SPOCK3: variants seen among roughly 807,000 people sequenced by gnomAD.
SPOCK3 encodes the protein SPARC (osteonectin), cwcv and kazal like domains proteoglycan 3.
In SPOCK3, 30 loss-of-function variants were observed where a neutral mutation model predicts 56.6. The ratio of observed to expected loss-of-function variants is 0.53; its 90% CI spans 0.40 to 0.72. The LOEUF (loss-of-function observed/expected upper bound fraction) is 0.72, where lower values mean the gene tolerates loss of function less well. Ranked by LOEUF, SPOCK3 falls within the 30% of genes least tolerant of loss-of-function variation. The pLI, the probability that SPOCK3 is intolerant of heterozygous loss-of-function variation, is 0.00. For synonymous variants in SPOCK3, 196 were observed against 183.3 expected (o/e 1.07, Z -0.56); for missense variants, 527 against 530.0 (o/e 0.99, Z 0.06).
Position 166,854,990 on chromosome 4 carries a change from A to G in SPOCK3, c.589+34140T>C, listed in dbSNP as rs201696363. 2.0e-5 allele frequency among the ~76,000 whole-genome samples: 3 copies of G among 152,262 alleles called. No individual in the cohort carries two copies. In the East Asian group the frequency reaches 5.8e-4, roughly 29 times the overall value. On this transcript the variant is annotated intron_variant, in intron 6 of 10. Coordinates refer to ENST00000357545, the MANE Select transcript of SPOCK3 (RefSeq NM_001040159.2). Reference sequence around the variant, plus strand: ...AAAGTCTCTAACTGTATCCCGCCCCACTGCCTGTCTCAAAGAAGTTGATGT... The same window carrying G: ...AAAGTCTCTAACTGTATCCCGCCCCGCTGCCTGTCTCAAAGAAGTTGATGT...
At chr4:166,955,743 C>T (rs1331255053) in intron 4 of SPOCK3, among the ~76,000 whole-genome samples, 1 of 150,396 alleles carries the variant, frequency 6.6e-6, no homozygotes, top group Non-Finnish European at 1.5e-5. Context: ...TTCTTTCTTG[C>T]TCTAATCCAA....
At chr4:166,941,278 T>A (rs1741035715) in intron 4 of SPOCK3, among the ~76,000 whole-genome samples, 1 of 152,084 alleles carries the variant, frequency 6.6e-6, no homozygotes, top group Admixed American at 6.5e-5. Flanking sequence ...CAGAAAAAAA[T>A]GGATCCTTTT....
intron 3 of SPOCK3, among the ~76,000 whole-genome samples, chr4:167,046,450 C>CTTTTTTTTTTTTTTTT (rs67108499): frequency 3.7e-5 from 2 of 53,704 alleles, no homozygotes; most frequent in Non-Finnish European, 6.7e-5. Context: ...TTCTGATATT[C>CTTTTTTTTTTTTTTTT]TTTTTTTTTT....
chr4:167,063,072 A>G (rs1580173778), intron 2 of SPOCK3, among the ~76,000 whole-genome samples: 4 of 151,952 alleles, frequency 2.6e-5, no homozygotes, highest in Admixed American at 2.6e-4. Context: ...TCTCTTGCTA[A>G]TCGAATATCT....
chr4:167,229,147 T>A (rs868269473), intron 2 of SPOCK3, among the ~76,000 whole-genome samples: 4 of 152,152 alleles, frequency 2.6e-5, no homozygotes, highest in African/African-American at 7.2e-5. Context: ...GAATTGGATA[T>A]CCATTATTGA....
At chr4:166,789,392 G>A (rs1158609222) in intron 7 of SPOCK3, among the ~76,000 whole-genome samples, 1 of 152,044 alleles carries the variant, frequency 6.6e-6, no homozygotes, top group African/African-American at 2.4e-5. Context: ...TCACGCCATT[G>A]CACTCTAGCC....
chr4:167,166,117 T>C (rs925072318), intron 2 of SPOCK3, among the ~76,000 whole-genome samples: 3 of 152,076 alleles, frequency 2.0e-5, no homozygotes, highest in South Asian at 2.1e-4. Flanking sequence ...AGCAAAAATT[T>C]GGAAAATTAC....
intron 4 of SPOCK3, among the ~76,000 whole-genome samples, chr4:166,957,854 G>C (rs1579802346): frequency 6.6e-6 from 1 of 152,064 alleles, no homozygotes; most frequent in Admixed American, 6.6e-5. Flanking sequence ...ACCAATTTGT[G>C]TTTTATTTTA....
At chr4:166,950,916 T>G (rs941809347) in intron 4 of SPOCK3, among the ~76,000 whole-genome samples, 1 of 137,960 alleles carries the variant, frequency 7.2e-6, no homozygotes, top group East Asian at 2.1e-4. Flanking sequence ...TACCAGAATC[T>G]CTGGGACACA....
At chr4:167,186,607 A>G (rs927620193) in intron 2 of SPOCK3, among the ~76,000 whole-genome samples, 2 of 152,018 alleles carry the variant, frequency 1.3e-5, no homozygotes, top group African/African-American at 4.8e-5. Context: ...AGTCTGGACA[A>G]CAAGAGCAAA....
At chr4:167,230,511 A>AT (rs1554056861) in intron 2 of SPOCK3, among the ~76,000 whole-genome samples, 1 of 151,348 alleles carries the variant, frequency 6.6e-6, no homozygotes, top group Non-Finnish European at 1.5e-5. Context: ...AAAAAAAAAA[A>AT]AAAAAAAAAC....
chr4:166,736,566 TA>T (rs1168600979), intron 10 of SPOCK3, among the ~76,000 whole-genome samples: 2 of 152,152 alleles, frequency 1.3e-5, no homozygotes, highest in Non-Finnish European at 2.9e-5. Flanking sequence ...TATCTTTTTT[TA>T]ATAGTCTTAG....
At chr4:166,886,328 G>A (rs894354775) in intron 6 of SPOCK3, among the ~76,000 whole-genome samples, 1 of 152,072 alleles carries the variant, frequency 6.6e-6, no homozygotes, top group African/African-American at 2.4e-5. Flanking sequence ...CCATTAAAGG[G>A]ACTGCAAAAC....
At chr4:167,083,134 C>T in intron 2 of SPOCK3, 5 of 762,240 alleles carry the variant, frequency 6.6e-6, no homozygotes, top group South Asian at 2.7e-5. Flanking sequence ...CTAATTACAG[C>T]TTTATGGTTG....
chr4:167,222,548 A>C (rs1258628662), intron 2 of SPOCK3, among the ~76,000 whole-genome samples: 2 of 136,646 alleles, frequency 1.5e-5, no homozygotes, highest in Non-Finnish European at 3.3e-5. Context: ...TCATATATGA[A>C]TATATAATAT....
intron 2 of SPOCK3, among the ~76,000 whole-genome samples, chr4:167,067,418 A>G (rs1396991374): frequency 6.6e-6 from 1 of 151,820 alleles, no homozygotes; most frequent in Non-Finnish European, 1.5e-5. Flanking sequence ...ATGCTTTTGA[A>G]GACACACTTC....
chr4:167,231,407 G>GA (rs1360858307), intron 2 of SPOCK3, among the ~76,000 whole-genome samples: 5 of 151,930 alleles, frequency 3.3e-5, no homozygotes, highest in Admixed American at 6.6e-5. Flanking sequence ...TATTTTATGG[G>GA]AAAAAAGCAC....
chr4:166,735,570 C>T (rs1463364802), intron 10 of SPOCK3, among the ~76,000 whole-genome samples: 1 of 151,820 alleles, frequency 6.6e-6, no homozygotes, highest in Admixed American at 6.6e-5. Flanking sequence ...CAGGTGGATC[C>T]AAATTGTCAC....
At chr4:166,800,154 C>G (rs1196762838) in intron 6 of SPOCK3, among the ~76,000 whole-genome samples, 2 of 131,016 alleles carry the variant, frequency 1.5e-5, no homozygotes, top group Non-Finnish European at 3.0e-5. Context: ...TGCACTCCAG[C>G]CTGGGCGACA....
Sources: gnomAD v4.1 joint callset for allele counts (sites outside exome capture counted in the v4.1 genomes callset) on GRCh38, gnomAD v4.1.1 for gene constraint, MANE v1.5 for transcripts, NCBI Gene and HGNC (gene_info 2026-07-23, HGNC 2026-07-21) for gene names.